The following PIEZO2 variants were observed in gnomAD, a reference collection of about 807,000 sequenced individuals.
The protein encoded by PIEZO2 is piezo type mechanosensitive ion channel component 2.
A neutral mutation model predicts 337.3 loss-of-function variants in PIEZO2; 172 were observed. The observed-to-expected ratio is 0.51, with a 90% CI of 0.45 to 0.58. PIEZO2 has a LOEUF of 0.58. Among genes scored for constraint, PIEZO2 ranks in the 20% least tolerant of loss-of-function variants. The pLI, the probability that PIEZO2 is intolerant of heterozygous loss-of-function variation, is 0.00. For missense variants in PIEZO2, 3,028 were observed against 3,391.3 expected (o/e 0.89, Z 2.66); for synonymous variants, 1,251 against 1,228.5 (o/e 1.02, Z -0.38).
In PIEZO2 at chr18:11,079,908, A is replaced by G. The variant is rs375578727; in HGVS notation, c.65-13686T>C. On this transcript the variant is annotated intron_variant, in intron 1 of 55. Coordinates refer to ENST00000674853, the MANE Select transcript of PIEZO2 (RefSeq NM_001378183.1). Reference sequence around the variant, plus strand: ...AATGACTGTTGCAGTGTGCCTGGGCATGGAACGATGTTCACAATGCAACAA... The same window carrying G: ...AATGACTGTTGCAGTGTGCCTGGGCGTGGAACGATGTTCACAATGCAACAA... Among the ~76,000 whole-genome samples the G allele has an allele frequency of 3.2e-4, 49 of 152,364 alleles. No homozygotes were observed. The East Asian group carries it at 8.1e-3, about 25-fold the overall frequency.
intron 4 of PIEZO2, among the ~76,000 whole-genome samples, chr18:10,886,487 C>CATATATATATATATGTAT: frequency 2.2e-5 from 1 of 45,890 alleles, no homozygotes; most frequent in Non-Finnish European, 3.4e-5. Flanking sequence ...ATATCCAAAC[C>CATATATATATATATGTAT]ATATATATAT....
chr18:10,954,205 TC>T lies in PIEZO2; in HGVS notation c.286+25329del, dbSNP rs2033424781. ...ATATTTTAGAGTCAGCTTGTTGATT[TC>T]TACAAAAATATCCTGCTGGGATTCT... On this transcript the variant is annotated intron_variant, in intron 3 of 55. Transcript: ENST00000674853. The surrounding 1 kb of genome is among the most constrained non-coding windows in gnomAD (Gnocchi z 4.2). 6.6e-6 allele frequency among the ~76,000 whole-genome samples: 1 copy of T among 152,228 alleles called. No homozygotes were observed. Among genetic ancestry groups the T allele is most frequent in the African/African-American group, 2.4e-5 (1 of 41,450 alleles).
Position 10,713,813 on chromosome 18 carries a change from A to G in PIEZO2, c.5423+951T>C, listed in dbSNP as rs2035909721. On this transcript the variant is annotated intron_variant, in intron 39 of 55. Coordinates refer to ENST00000674853, the MANE Select transcript of PIEZO2 (RefSeq NM_001378183.1). The surrounding 1 kb of genome is among the most constrained non-coding windows in gnomAD (Gnocchi z 4.5). The stretch of plus-strand genomic sequence containing the variant: ...TGAAGGTGGCTATAAGGTGTAATTC[A>G]TTTGGTCTAGCGCTTCACCCTAACA... 6.6e-6 allele frequency among the ~76,000 whole-genome samples: 1 copy of G among 152,226 alleles called. No individual in the cohort carries two copies. The highest frequency in any genetic ancestry group is 2.4e-5 in the African/African-American group (1 of 41,456).
At chr18:10,907,299 TG>T (rs2030030759) in intron 4 of PIEZO2, among the ~76,000 whole-genome samples, 1 of 151,984 alleles carries the variant, frequency 6.6e-6, no homozygotes, top group Non-Finnish European at 1.5e-5. Context: ...AAAAATTAGC[TG>T]GGTGTGATGG....
chr18:10,967,910 T>G (rs2034078521), intron 3 of PIEZO2, among the ~76,000 whole-genome samples: 1 of 151,508 alleles, frequency 6.6e-6, no homozygotes, highest in Non-Finnish European at 1.5e-5. Context: ...CTCTGCTGAT[T>G]ATTATTATTA....
intron 7 of PIEZO2, among the ~76,000 whole-genome samples, chr18:10,838,066 T>C (rs995366605): frequency 2.0e-5 from 3 of 152,172 alleles, no homozygotes; most frequent in Non-Finnish European, 2.9e-5. Flanking sequence ...TTCCTCCATG[T>C]TACACAAGCG....
In PIEZO2 at chr18:11,078,345, A is replaced by G. The variant is rs776435667; in HGVS notation, c.65-12123T>C. Among the ~76,000 whole-genome samples, 2 of 152,240 alleles carry G rather than the reference A, an allele frequency of 1.3e-5. No individual in the cohort carries two copies. The highest frequency in any genetic ancestry group is 4.8e-5 in the African/African-American group (2 of 41,468). On this transcript the variant is annotated intron_variant, in intron 1 of 55. Transcript: ENST00000674853. The surrounding 1 kb of genome is among the most constrained non-coding windows in gnomAD (Gnocchi z 5.3). ...AATATTCTATATTATTCTTGGCAGCATCCGCCTTGGACTGAGGTGTGCATT... is the reference window on the plus strand; with the variant it reads ...AATATTCTATATTATTCTTGGCAGCGTCCGCCTTGGACTGAGGTGTGCATT...
chr18:10,725,978 G>A (rs1292085280), intron 36 of PIEZO2, among the ~76,000 whole-genome samples: 2 of 152,220 alleles, frequency 1.3e-5, no homozygotes, highest in Non-Finnish European at 2.9e-5. Context: ...CTCTGGGCAA[G>A]AGGTGGTTTT....
At chr18:11,081,293 C>T (rs1053672428) in intron 1 of PIEZO2, among the ~76,000 whole-genome samples, 1 of 152,128 alleles carries the variant, frequency 6.6e-6, no homozygotes, top group African/African-American at 2.4e-5. Flanking sequence ...TATTTATTAA[C>T]CACATATACA....
At chr18:11,093,518 A>C (rs2039161317) in intron 1 of PIEZO2, among the ~76,000 whole-genome samples, 1 of 151,588 alleles carries the variant, frequency 6.6e-6, no homozygotes, top group Non-Finnish European at 1.5e-5. Context: ...TTCCTTTACA[A>C]ATTTTGACGT....
intron 33 of PIEZO2, 50 bp downstream of exon 33, chr18:10,740,981 G>C: frequency 6.7e-7 from 1 of 1,502,976 alleles, no homozygotes; most frequent in Non-Finnish European, 9.0e-7. Flanking sequence ...TCTGGTCAAG[G>C]ATATAAGGGT....
At position 11,127,803 on chromosome 18, in the gene PIEZO2, ATGTGTG is replaced by A. The variant is rs34849868; in HGVS notation, c.64+20716_64+20721del. Among the ~76,000 whole-genome samples the A allele has an allele frequency of 6.8e-6, 1 of 146,754 alleles. No homozygotes were observed. The highest frequency in any genetic ancestry group is 2.5e-5 in the African/African-American group (1 of 39,482). Reference sequence around the variant, plus strand: ...TGCATATACGTGTGTGTGTGTGTGCATGTGTGTGTGTGTGTGTGTGTGTATCCTATT... The same window carrying A: ...TGCATATACGTGTGTGTGTGTGTGCATGTGTGTGTGTGTGTGTATCCTATT... On this transcript the variant is annotated intron_variant, in intron 1 of 55. Coordinates refer to ENST00000674853, the MANE Select transcript of PIEZO2 (RefSeq NM_001378183.1). The surrounding 1 kb of genome is among the most constrained non-coding windows in gnomAD (Gnocchi z 4.5).
intron 2 of PIEZO2, among the ~76,000 whole-genome samples, chr18:10,991,565 C>T (rs932603592): frequency 9.9e-5 from 15 of 152,100 alleles, no homozygotes; most frequent in African/African-American, 3.6e-4. Context: ...TGAACTCATC[C>T]TTTTCTATGG....
intron 15 of PIEZO2, among the ~76,000 whole-genome samples, chr18:10,787,497 T>C (rs1407385936): frequency 6.6e-6 from 1 of 152,168 alleles, no homozygotes; most frequent in African/African-American, 2.4e-5. Context: ...ATCTGGCCCA[T>C]AGGGGGCGCT....
rs538953758 is a variant in PIEZO2 at position 10,917,711 on chromosome 18, A to G, written c.287-6483T>C. On this transcript the variant is annotated intron_variant, in intron 3 of 55. Coordinates refer to ENST00000674853, the MANE Select transcript of PIEZO2 (RefSeq NM_001378183.1). ...TCTTCAAAATAATCAGCAGAAAAGGATTAATAATTCATGGAAGTGGTGGTT... is the reference window on the plus strand; with the variant it reads ...TCTTCAAAATAATCAGCAGAAAAGGGTTAATAATTCATGGAAGTGGTGGTT... 8.5e-5 allele frequency among the ~76,000 whole-genome samples: 13 copies of G among 152,302 alleles called. 1 individual carries two copies. Among genetic ancestry groups the G allele is most frequent in the Admixed American group, 8.5e-4 (13 of 15,302 alleles).
At position 11,146,385 on chromosome 18, in the gene PIEZO2, A is replaced by C. The variant is rs1599030618; in HGVS notation, c.64+2140T>G. Among the ~76,000 whole-genome samples, 1 of 152,118 alleles carries C rather than the reference A, an allele frequency of 6.6e-6. No homozygotes were observed. Among genetic ancestry groups the C allele is most frequent in the African/African-American group, 2.4e-5 (1 of 41,434 alleles). On this transcript the variant is annotated intron_variant, in intron 1 of 55. Coordinates refer to ENST00000674853, the MANE Select transcript of PIEZO2 (RefSeq NM_001378183.1). The surrounding 1 kb of genome is among the most constrained non-coding windows in gnomAD (Gnocchi z 6.1). ...GAACAGTGTGCGGGCACCACAGAAG[A>C]AGCTCGGTGGGGGTCCCAGTGGTGA...
chr18:10,866,975 A>T (rs974224563), intron 5 of PIEZO2, among the ~76,000 whole-genome samples: 2 of 152,152 alleles, frequency 1.3e-5, no homozygotes, highest in Non-Finnish European at 2.9e-5. Context: ...TCTGAAAGTG[A>T]CCTTAAGGAC....
chr18:10,685,716 C>T (rs1257149043), intron 49 of PIEZO2, among the ~76,000 whole-genome samples: 2 of 152,168 alleles, frequency 1.3e-5, no homozygotes, highest in Non-Finnish European at 1.5e-5. Flanking sequence ...ATTTGGAAAC[C>T]CCCTTCCTAA....
chr18:10,998,276 A>G (rs1230752812), intron 2 of PIEZO2, among the ~76,000 whole-genome samples: 9 of 152,110 alleles, frequency 5.9e-5, no homozygotes, highest in Non-Finnish European at 1.0e-4. Context: ...GGTACCAAAA[A>G]AACACGTGGA....
Sources: allele counts gnomAD v4.1 joint callset (sites outside exome capture counted in the v4.1 genomes callset), GRCh38; gene constraint gnomAD v4.1.1; non-coding constraint Gnocchi (gnomAD v3.1); transcripts MANE v1.5; gene names NCBI Gene and HGNC (gene_info 2026-07-23, HGNC 2026-07-21).